The following DENND1B variants were observed in gnomAD, a reference collection of about 807,000 sequenced individuals.
DENND1B encodes the protein DENN domain containing 1B.
DENND1B carries 59 observed loss-of-function variants against 90.1 expected under a neutral mutation model. The ratio of observed to expected loss-of-function variants is 0.65; its 90% confidence interval spans 0.53 to 0.81. The LOEUF is 0.81. Ranked by LOEUF, DENND1B falls within the 40% of genes least tolerant of loss-of-function variation. The probability of loss-of-function intolerance (pLI) is 0.00; values close to 1 mark genes in which losing one functional copy is unlikely to be tolerated. For synonymous variants in DENND1B, 337 were observed against 324.6 expected (o/e 1.04, Z -0.41); for missense variants, 862 against 912.6 (o/e 0.94, Z 0.71).
intron 2 of DENND1B, among the ~76,000 whole-genome samples, chr1:197,758,285 A>C (rs539703110): frequency 7.4e-4 from 113 of 152,308 alleles, no homozygotes; most frequent in African/African-American, 2.6e-3. Context: ...CTGCAATATT[A>C]AAGAGGGGAC....
intron 2 of DENND1B, among the ~76,000 whole-genome samples, chr1:197,720,057 T>C (rs372241422): frequency 3.3e-5 from 5 of 152,180 alleles, no homozygotes; most frequent in African/African-American, 1.2e-4. Flanking sequence ...CCTTGTCTCT[T>C]TCTCCCTCAG....
At chr1:197,627,809 C>T (rs770709046) in intron 10 of DENND1B, among the ~76,000 whole-genome samples, 10 of 152,172 alleles carry the variant, frequency 6.6e-5, no homozygotes, top group Non-Finnish European at 1.3e-4. Context: ...TCTCCTGAAG[C>T]TGATGAGCAA....
At chr1:197,696,268 AG>A (rs1030822544) in intron 3 of DENND1B, among the ~76,000 whole-genome samples, 21 of 151,644 alleles carry the variant, frequency 1.4e-4, no homozygotes, top group African/African-American at 4.6e-4. Context: ...TCATTCTTAC[AG>A]TTATACTTTA....
At chr1:197,557,957 G>C (rs1303935418) in intron 15 of DENND1B, among the ~76,000 whole-genome samples, 1 of 151,932 alleles carries the variant, frequency 6.6e-6, no homozygotes, top group East Asian at 1.9e-4. Context: ...GCTATCACAT[G>C]TTGCCTTATA....
intron 10 of DENND1B, among the ~76,000 whole-genome samples, chr1:197,624,677 G>A (rs1572102404): frequency 6.6e-6 from 1 of 151,920 alleles, no homozygotes; most frequent in Non-Finnish European, 1.5e-5. Flanking sequence ...GAATGACTTT[G>A]ACGAGTTGAG....
At chr1:197,614,676 A>G (rs1677482253) in intron 11 of DENND1B, among the ~76,000 whole-genome samples, 1 of 150,974 alleles carries the variant, frequency 6.6e-6, no homozygotes, top group Non-Finnish European at 1.5e-5. Flanking sequence ...TTTCATACAA[A>G]GAGACCACTC....
At chr1:197,592,941 T>C (rs1675365693) in intron 14 of DENND1B, among the ~76,000 whole-genome samples, 1 of 152,132 alleles carries the variant, frequency 6.6e-6, no homozygotes, top group Non-Finnish European at 1.5e-5. Context: ...TGTACTATAG[T>C]AGCAGGATAC....
intron 3 of DENND1B, among the ~76,000 whole-genome samples, chr1:197,687,970 G>A (rs1178115640): frequency 1.3e-5 from 2 of 152,032 alleles, no homozygotes; most frequent in Non-Finnish European, 2.9e-5. Context: ...AGAAAAATTT[G>A]TTGTAGGATA....
intron 20 of DENND1B, among the ~76,000 whole-genome samples, chr1:197,538,790 G>A (rs2125650778): frequency 6.7e-6 from 1 of 148,432 alleles, no homozygotes; most frequent in African/African-American, 2.5e-5. Flanking sequence ...AAATTTAATT[G>A]CCATTGTAAT....
intron 14 of DENND1B, among the ~76,000 whole-genome samples, chr1:197,584,822 C>T (rs977829358): frequency 6.6e-6 from 1 of 151,960 alleles, no homozygotes; most frequent in African/African-American, 2.4e-5. Context: ...CAGGCACATG[C>T]CACCATGCCC....
chr1:197,565,938 C>T (rs1247454780), intron 15 of DENND1B, among the ~76,000 whole-genome samples: 12 of 150,478 alleles, frequency 8.0e-5, no homozygotes, highest in East Asian at 2.0e-4. Flanking sequence ...TGAATAGTGC[C>T]GCAATAAACA....
At chr1:197,534,840 T>C (rs1285422435) in intron 20 of DENND1B, among the ~76,000 whole-genome samples, 1 of 152,194 alleles carries the variant, frequency 6.6e-6, no homozygotes, top group African/African-American at 2.4e-5. Context: ...TATACTCAGA[T>C]ACCAATATTA....
At chr1:197,619,446 C>A (rs1677949199) in intron 10 of DENND1B, among the ~76,000 whole-genome samples, 1 of 151,034 alleles carries the variant, frequency 6.6e-6, no homozygotes, top group African/African-American at 2.4e-5. Flanking sequence ...GCTTATGAAG[C>A]GTTGAAAGGC....
At chr1:197,673,679 A>C (rs1273697440) in intron 4 of DENND1B, among the ~76,000 whole-genome samples, 2 of 152,128 alleles carry the variant, frequency 1.3e-5, no homozygotes, top group Admixed American at 6.6e-5. Flanking sequence ...ACCTCTATAA[A>C]GCTATTATTG....
At chr1:197,675,311 T>G (rs1388352747) in intron 3 of DENND1B, among the ~76,000 whole-genome samples, 3 of 152,158 alleles carry the variant, frequency 2.0e-5, no homozygotes, top group Admixed American at 1.3e-4. Context: ...TAGAATTTCT[T>G]GCATTCTTTT....
intron 13 of DENND1B, among the ~76,000 whole-genome samples, chr1:197,600,170 A>C (rs1349708205): frequency 1.3e-5 from 2 of 151,860 alleles, no homozygotes; most frequent in Non-Finnish European, 2.9e-5. Flanking sequence ...CTGATCTGAG[A>C]GTGCGGACTA....
chr1:197,586,349 T>C (rs1372061719), intron 14 of DENND1B, among the ~76,000 whole-genome samples: 1 of 152,250 alleles, frequency 6.6e-6, no homozygotes, highest in African/African-American at 2.4e-5. Flanking sequence ...TTTATATTCA[T>C]ATTTAATTAG....
At chr1:197,581,385 C>T (rs1209118464) in intron 15 of DENND1B, among the ~76,000 whole-genome samples, 3 of 152,134 alleles carry the variant, frequency 2.0e-5, no homozygotes, top group East Asian at 1.9e-4. Flanking sequence ...TTACATTTAA[C>T]GTCCTTGAAC....
chr1:197,555,979 T>A (rs1571862922), intron 15 of DENND1B, among the ~76,000 whole-genome samples: 1 of 151,988 alleles, frequency 6.6e-6, no homozygotes, highest in African/African-American at 2.4e-5. Context: ...GCAGACTGGA[T>A]AAAGAAAATG....
Sources: gnomAD v4.1 joint callset for allele counts (sites outside exome capture counted in the v4.1 genomes callset) on GRCh38, gnomAD v4.1.1 for gene constraint, MANE v1.5 for transcripts, NCBI Gene and HGNC (gene_info 2026-07-23, HGNC 2026-07-21) for gene names.